Variants in NCOA1 observed in about 807,000 individuals in gnomAD.
The protein encoded by NCOA1 is nuclear receptor coactivator 1, also known as Hin-2 protein.
In NCOA1, 35 loss-of-function variants were observed where a neutral mutation model predicts 150.9. The ratio of observed to expected loss-of-function variants is 0.23; its 90% CI spans 0.18 to 0.31. NCOA1 has a LOEUF of 0.31. Among genes scored for constraint, NCOA1 ranks in the 10% least tolerant of loss-of-function variants. NCOA1 has a pLI of 1.00. For missense variants in NCOA1, 1,491 were observed against 1,749.3 expected, an observed-to-expected ratio of 0.85 and a Z score of 2.63; for synonymous variants, 590 against 630.0, an observed-to-expected ratio of 0.94 and a Z score of 0.95.
chr2:24,552,409 C>T (rs1665893307), intron 1 of NCOA1, among the ~76,000 whole-genome samples: 1 of 113,784 alleles, frequency 8.8e-6, no homozygotes, highest in African/African-American at 3.5e-5. Context: ...CTCTGTTGTC[C>T]AGGCTGGAGT....
At chr2:24,737,493 T>C (rs1440413036) in intron 17 of NCOA1, among the ~76,000 whole-genome samples, 1 of 152,228 alleles carries the variant, frequency 6.6e-6, no homozygotes, top group African/African-American at 2.4e-5. Flanking sequence ...TTGTACATTA[T>C]CTCACAATTC....
At chr2:24,576,394 C>G (rs560443492) in intron 2 of NCOA1, among the ~76,000 whole-genome samples, 166 of 152,094 alleles carry the variant, frequency 1.1e-3, no homozygotes, top group Non-Finnish European at 1.9e-3. Context: ...CTCTTTGAGA[C>G]TGTAAGGTTC....
intron 1 of NCOA1, among the ~76,000 whole-genome samples, chr2:24,559,945 GTTC>G (rs1181229378): frequency 3.3e-5 from 5 of 152,120 alleles, no homozygotes; most frequent in East Asian, 1.9e-4. Flanking sequence ...AGGATTTTCT[GTTC>G]TTCTCCTAGT....
At chr2:24,709,004 T>C (rs997661168) in intron 13 of NCOA1, among the ~76,000 whole-genome samples, 1 of 152,230 alleles carries the variant, frequency 6.6e-6, no homozygotes, top group South Asian at 2.1e-4. Flanking sequence ...TCTGTCCTTT[T>C]GTGGTGCTTC....
intron 14 of NCOA1, among the ~76,000 whole-genome samples, chr2:24,714,081 A>G (rs1190896406): frequency 6.6e-6 from 1 of 152,200 alleles, no homozygotes; most frequent in East Asian, 1.9e-4. Flanking sequence ...AGTCCTGACC[A>G]ATCAGAGTCG....
rs34590281 is a variant in NCOA1 at position 24,586,275 on chromosome 2, CAAAAAAAAAAAAAAAA to C, written c.-175+1727_-175+1742del. ...TGGGCGACAGAGCAAGACTCGGTCTCAAAAAAAAAAAAAAAAAAAAAAAAAAATTAGCTGGGCCGGT... is the reference window on the plus strand; with the variant it reads ...TGGGCGACAGAGCAAGACTCGGTCTCAAAAAAAAAAATTAGCTGGGCCGGT... On this transcript the variant is annotated intron_variant, in intron 3 of 22. Transcript: ENST00000348332. Among the ~76,000 whole-genome samples the C allele has an allele frequency of 4.1e-3, 272 of 66,148 alleles. 4 individuals carry two copies. Among genetic ancestry groups the C allele is most frequent in the African/African-American group, 0.018 (267 of 14,620 alleles). The allele number at this position is 66,148 out of a possible 152,430, so 43.4% of individuals were successfully genotyped here.
At chr2:24,529,518 G>A (rs1014159408) in intron 1 of NCOA1, among the ~76,000 whole-genome samples, 1 of 152,048 alleles carries the variant, frequency 6.6e-6, no homozygotes, top group Non-Finnish European at 1.5e-5. Flanking sequence ...GATTGATTTT[G>A]TTGATATAAG....
At chr2:24,697,576 T>G in intron 10 of NCOA1, 82 bp from the exon 11 acceptor site, 1 of 1,216,090 alleles carries the variant, frequency 8.2e-7, no homozygotes, top group Non-Finnish European at 1.1e-6. Flanking sequence ...AGAATATTTC[T>G]TAGATGCAGT....
intron 1 of NCOA1, among the ~76,000 whole-genome samples, chr2:24,519,253 C>A (rs909830952): frequency 6.6e-6 from 1 of 152,036 alleles, no homozygotes; most frequent in East Asian, 1.9e-4. Context: ...CTGATACGTG[C>A]TACAACATGG....
At chr2:24,721,374 ATGTT>A (rs768654883) in intron 14 of NCOA1, among the ~76,000 whole-genome samples, 2 of 152,058 alleles carry the variant, frequency 1.3e-5, no homozygotes, top group African/African-American at 4.8e-5. Flanking sequence ...CTTTTCTTGA[ATGTT>A]TGGTAAATTT....
chr2:24,721,904 C>T (rs745482769), intron 14 of NCOA1, among the ~76,000 whole-genome samples: 1 of 152,130 alleles, frequency 6.6e-6, no homozygotes, highest in Non-Finnish European at 1.5e-5. Context: ...AGAAATTCTT[C>T]GTTGTTTTAG....
chr2:24,626,738 C>A (rs1304010756), intron 3 of NCOA1, among the ~76,000 whole-genome samples: 1 of 152,132 alleles, frequency 6.6e-6, no homozygotes, highest in Non-Finnish European at 1.5e-5. Context: ...TGCATGCATA[C>A]TATGAAATCA....
intron 4 of NCOA1, among the ~76,000 whole-genome samples, chr2:24,655,675 G>A (rs186428219): frequency 7.4e-4 from 112 of 152,248 alleles, no homozygotes; most frequent in Non-Finnish European, 1.4e-3. Context: ...GGACAAGACC[G>A]GAAACAGGGA....
At chr2:24,581,978 T>C (rs935032529) in intron 2 of NCOA1, among the ~76,000 whole-genome samples, 7 of 152,172 alleles carry the variant, frequency 4.6e-5, no homozygotes, top group Non-Finnish European at 8.8e-5. Flanking sequence ...AGGCCATATA[T>C]GACAAACCCA....
chr2:24,684,576 C>T (rs1672319950), intron 8 of NCOA1, among the ~76,000 whole-genome samples: 1 of 152,232 alleles, frequency 6.6e-6, no homozygotes, highest in African/African-American at 2.4e-5. Context: ...TGATCCTCAG[C>T]TGGCCTGACA....
At chr2:24,550,099 G>A (rs749212456) in intron 1 of NCOA1, among the ~76,000 whole-genome samples, 6 of 152,142 alleles carry the variant, frequency 3.9e-5, no homozygotes, top group Non-Finnish European at 7.3e-5. Flanking sequence ...GGATTTCATT[G>A]TCCTTATCAT....
chr2:24,682,881 G>GA lies in NCOA1; in HGVS notation c.355-65dup, dbSNP rs1672241442. 15 of 1,381,234 alleles carry GA rather than the reference G, an allele frequency of 1.1e-5. No homozygotes were observed. In the South Asian group the frequency reaches 2.1e-4, roughly 19 times the overall value. 85.6% of individuals were successfully genotyped at this position (1,381,234 alleles called of 1,614,324 possible). A position where few individuals can be genotyped will look rare whatever the true frequency, so the allele number is the denominator to read the frequency against. ...TATATTTCTGATCTCTTTTTTAATA[G>GA]AAAAATGTATAGTTTAATTTTTCTT... On this transcript the variant is annotated intron_variant, in intron 7 of 22. Coordinates refer to ENST00000348332, the MANE Select transcript of NCOA1 (RefSeq NM_003743.5).
intron 3 of NCOA1, among the ~76,000 whole-genome samples, chr2:24,608,563 G>C (rs1016845581): frequency 1.3e-5 from 2 of 151,650 alleles, no homozygotes; most frequent in Non-Finnish European, 2.9e-5. Flanking sequence ...CACCATGCCT[G>C]GCCAGTTCTC....
chr2:24,662,499 G>A (rs1361064928), intron 5 of NCOA1, among the ~76,000 whole-genome samples: 1 of 152,052 alleles, frequency 6.6e-6, no homozygotes, highest in Non-Finnish European at 1.5e-5. Context: ...TCTGGTCATG[G>A]CACTCATTCT....
Sources: allele counts gnomAD v4.1 joint callset (sites outside exome capture counted in the v4.1 genomes callset), GRCh38; gene constraint gnomAD v4.1.1; transcripts MANE v1.5; gene names NCBI Gene and HGNC (gene_info 2026-07-23, HGNC 2026-07-21).